RBSN: variants seen among roughly 807,000 people sequenced by gnomAD.
RBSN encodes the protein rabenosyn-5.
RBSN carries 34 observed loss-of-function variants against 60.5 expected under a neutral mutation model. The observed-to-expected ratio is 0.56, with a 90% confidence interval of 0.43 to 0.75. The LOEUF is 0.75. RBSN is among the 30% of genes least tolerant of loss of function. RBSN has a pLI of 0.00. For synonymous variants in RBSN, 322 were observed against 366.9 expected, an observed-to-expected ratio of 0.88 and a Z score of 1.40; for missense variants, 845 against 986.8, an observed-to-expected ratio of 0.86 and a Z score of 1.92.
Position 15,074,325 on chromosome 3 carries a change from T to A in RBSN, c.1812A>T (p.Pro604=), listed in dbSNP as rs1439576840. 1 of 1,614,106 alleles carries A rather than the reference T, an allele frequency of 6.2e-7. No homozygotes were observed. The highest frequency in any genetic ancestry group is 8.5e-7 in the Non-Finnish European group (1 of 1,180,018). ...TQPTRVWSGP[P]AVGQERLPQS... ...GGGGTAAGCGCTCCTGGCCAACGGC[T>A]GGGGGCCCAGACCACACTCTGGTGG... The change falls in exon 14 of 14, where the codon CCA becomes CCT. Residue 604 remains proline, a synonymous_variant. Transcript: ENST00000253699. The surrounding 1 kb of genome is among the most constrained non-coding windows in gnomAD (Gnocchi z 6.4).
At chr3:15,086,039 C>T in intron 5 of RBSN, 78 bp from the exon 6 acceptor site, 1 of 1,123,760 alleles carries the variant, frequency 8.9e-7, no homozygotes, top group Non-Finnish European at 1.3e-6. Context: ...GCCTCTTATC[C>T]CAGTGAATTT....
In RBSN at chr3:15,073,902, G is replaced by A; in HGVS notation, c.2235C>T (p.Asn745=). 2 of 1,614,094 alleles carry A rather than the reference G, an allele frequency of 1.2e-6. No individual in the cohort carries two copies. The highest frequency in any genetic ancestry group is 1.1e-5 in the South Asian group (1 of 91,074). Residue 745 remains asparagine (N), a synonymous_variant, in exon 14 of 14, where the codon AAC becomes AAT. Transcript: ENST00000253699. ...TGGCATCAAAGATGTATGCCTTGATGTTATCGATCTGCTGCAGGAGGAGCT... is the reference window on the plus strand; with the variant it reads ...TGGCATCAAAGATGTATGCCTTGATATTATCGATCTGCTGCAGGAGGAGCT... The part of the protein sequence containing the change: ...EEELLLQQID[N]IKAYIFDAKQ...
chr3:15,077,943 TC>T lies in RBSN; in HGVS notation c.998+131del. 1.3e-6 allele frequency: 1 copy of T among 746,896 alleles called. No homozygotes were observed. Among genetic ancestry groups the T allele is most frequent in the East Asian group, 2.6e-5 (1 of 38,660 alleles). The allele number at this position is 746,896 out of a possible 1,614,324, so 46.3% of individuals were successfully genotyped here. On this transcript the variant is annotated intron_variant, in intron 11 of 13. Transcript: ENST00000253699. The surrounding 1 kb of genome is among the most constrained non-coding windows in gnomAD (Gnocchi z 4.4). Reference sequence around the variant, plus strand: ...GCATTAAGTGCCAGAGCTGGCCCCTTCCTTGCCCTCCTCCTCACCCACTGCC... The same window carrying T: ...GCATTAAGTGCCAGAGCTGGCCCCTTCTTGCCCTCCTCCTCACCCACTGCC...
At chr3:15,093,258 C>A (rs1479700712) in intron 4 of RBSN, among the ~76,000 whole-genome samples, 1 of 152,196 alleles carries the variant, frequency 6.6e-6, no homozygotes, top group Non-Finnish European at 1.5e-5. Context: ...CCTTTCATGT[C>A]AATCCTTAAA....
intron 5 of RBSN, among the ~76,000 whole-genome samples, chr3:15,086,361 T>C (rs1306609521): frequency 6.6e-6 from 1 of 152,210 alleles, no homozygotes; most frequent in Non-Finnish European, 1.5e-5. Flanking sequence ...GAAGAAAATC[T>C]GCTAAATTGT....
chr3:15,080,733 T>C lies in RBSN; in HGVS notation c.910A>G (p.Asn304Asp). The C allele has an allele frequency of 6.2e-7, 1 of 1,614,016 alleles. No homozygotes were observed. Residue 304 changes from asparagine to aspartate, a missense_variant and splice_region_variant, in exon 10 of 14, where the codon AAT (asparagine) becomes GAT (aspartate). Asn to Asp is a conservative substitution (Grantham distance 23, BLOSUM62 1). Coordinates refer to ENST00000253699, the MANE Select transcript of RBSN (RefSeq NM_022340.4). Reference sequence around the variant, plus strand: ...GAAAAACATAGATGAATAGCTTACTTTAATGATGCTGCCATCCTGATGTAT... The same window carrying C: ...GAAAAACATAGATGAATAGCTTACTCTAATGATGCTGCCATCCTGATGTAT... The part of the protein sequence containing the change: ...PEYIRMAASL[N>D]AGETTYSLEH...
rs372681462 is a variant in RBSN, at chr3:15,074,077, G to A, written c.2060C>T (p.Pro687Leu). The A allele has an allele frequency of 4.2e-5, 67 of 1,613,932 alleles. No individual in the cohort carries two copies. The highest frequency in any genetic ancestry group is 5.3e-5 in the Non-Finnish European group (62 of 1,180,012). Residue 687 changes from proline (P) to leucine (L), a missense_variant, in exon 14 of 14, where the codon CCT becomes CTT. Pro to Leu is a moderately conservative substitution (Grantham distance 98). Coordinates refer to ENST00000253699, the MANE Select transcript of RBSN (RefSeq NM_022340.4). The surrounding 1 kb of genome is among the most constrained non-coding windows in gnomAD (Gnocchi z 6.4). ...NPFIQPDSPA[P>L]NPFSEEDEHP... ...TTCGTCTTCCTCACTGAAGGGGTTA[G>A]GAGCTGGGCTGTCTGGCTGAATGAA...
At chr3:15,094,425 C>A (rs963601304) in intron 4 of RBSN, among the ~76,000 whole-genome samples, 1 of 152,246 alleles carries the variant, frequency 6.6e-6, no homozygotes, top group African/African-American at 2.4e-5. Flanking sequence ...AGAAGACCTA[C>A]GTTCCAGGCC....
chr3:15,086,428 A>G (rs1420393876), intron 5 of RBSN, among the ~76,000 whole-genome samples: 1 of 152,240 alleles, frequency 6.6e-6, no homozygotes, highest in East Asian at 1.9e-4. Context: ...TAGAGCAGAT[A>G]AGAGCATGGA....
intron 12 of RBSN, among the ~76,000 whole-genome samples, chr3:15,076,448 A>G (rs1422438316): frequency 6.7e-6 from 1 of 149,942 alleles, no homozygotes; most frequent in Admixed American, 6.7e-5. Context: ...TTAATAAAAG[A>G]AAAAAAAAAC....
chr3:15,095,719 T>C, intron 4 of RBSN: 1 of 558,850 alleles, frequency 1.8e-6, no homozygotes, highest in Non-Finnish European at 3.1e-6. Flanking sequence ...TTTCTCTGAG[T>C]GGCTTCAGAC....
intron 5 of RBSN, among the ~76,000 whole-genome samples, chr3:15,086,517 A>T (rs924417851): frequency 6.6e-6 from 1 of 152,212 alleles, no homozygotes; most frequent in African/African-American, 2.4e-5. Flanking sequence ...ACATCTCTGT[A>T]ACTCTAAGAG....
chr3:15,076,984 G>C, intron 12 of RBSN, 78 bp downstream of exon 12: 1 of 1,184,228 alleles, frequency 8.4e-7, no homozygotes, highest in Non-Finnish European at 1.3e-6. Context: ...CAAGTCATTG[G>C]CATGGATCTG....
Position 15,097,371 on chromosome 3 carries a change from C to T in RBSN, c.-344-661G>A, listed in dbSNP as rs918182928. On this transcript the variant is annotated intron_variant, in intron 2 of 13. Transcript: ENST00000253699. ...CTCTACTAAAAATACAAAAATTTGC[C>T]GGGTGTGGTGGTAGGCGCCTGTAAT... 5.3e-5 allele frequency among the ~76,000 whole-genome samples: 8 copies of T among 151,964 alleles called. 1 individual carries two copies. The highest frequency in any genetic ancestry group is 3.9e-4 in the Admixed American group (6 of 15,246).
At position 15,075,540 on chromosome 3, in the gene RBSN, C is replaced by T; in HGVS notation, c.1206+66G>A. On this transcript the variant is annotated intron_variant, in intron 13 of 13. Transcript: ENST00000253699. The stretch of plus-strand genomic sequence containing the variant: ...CTACAACCGCACACAACCTGGGAGC[C>T]CATGGCAGCCTCTGTGCTTGAGAGC... The T allele has an allele frequency of 4.5e-6, 6 of 1,320,566 alleles. No homozygotes were observed. In the East Asian group the frequency reaches 1.4e-4, roughly 30 times the overall value. The allele number at this position is 1,320,566 out of a possible 1,614,324, so 81.8% of individuals were successfully genotyped here.
chr3:15,084,917 CAAGA>C lies in RBSN; in HGVS notation c.437-25_437-22del, dbSNP rs754203561. On this transcript the variant is annotated intron_variant, in intron 7 of 13. Transcript: ENST00000253699. The surrounding 1 kb of genome is among the most constrained non-coding windows in gnomAD (Gnocchi z 4.2). Reference sequence around the variant, plus strand: ...TATTGCTTTGGGAAGAGCAAACCAACAAGAAAGCAGGCCATTTTAAAGAGAGCTT... The same window carrying C: ...TATTGCTTTGGGAAGAGCAAACCAACAAGCAGGCCATTTTAAAGAGAGCTT... 266 of 1,612,712 alleles carry C rather than the reference CAAGA, an allele frequency of 1.6e-4. No homozygotes were observed. The highest frequency in any genetic ancestry group is 6.5e-4 in the Admixed American group (39 of 59,826).
intron 5 of RBSN, among the ~76,000 whole-genome samples, chr3:15,087,026 T>A (rs183488920): frequency 3.0e-3 from 463 of 152,340 alleles, no homozygotes; most frequent in Non-Finnish European, 4.7e-3. Flanking sequence ...GCCATGCTTT[T>A]AAAAAATTTT....
chr3:15,095,524 T>C (rs147971782), intron 4 of RBSN: 225 of 224,778 alleles, frequency 1.0e-3, no homozygotes, highest in African/African-American at 4.8e-3. Flanking sequence ...GAGGGCAAGA[T>C]ACCAATTGGG....
At position 15,096,670 on chromosome 3, in the gene RBSN, A is replaced by G. The variant is rs1488814564; in HGVS notation, c.-304T>C. ...TTGATGCTCTTTACCTTGATTGTTT[A>G]TTCAACCACATATAGTAAGTTCTTG... On this transcript the variant is annotated 5_prime_UTR_variant, in exon 3 of 14. Transcript: ENST00000253699. 1 of 152,238 alleles carries G rather than the reference A, an allele frequency of 6.6e-6. No homozygotes were observed. The highest frequency in any genetic ancestry group is 2.1e-4 in the South Asian group (1 of 4,838). The allele number at this position is 152,238 out of a possible 1,614,324, so 9.4% of individuals were successfully genotyped here.
Sources: gnomAD v4.1 joint callset for allele counts (sites outside exome capture counted in the v4.1 genomes callset) on GRCh38, gnomAD v4.1.1 for gene constraint, Gnocchi (gnomAD v3.1) non-coding constraint, MANE v1.5 for transcripts, NCBI Gene and HGNC (gene_info 2026-07-23, HGNC 2026-07-21) for gene names.